Variants in SHANK2 observed in about 807,000 individuals in gnomAD.
The protein encoded by SHANK2 is SH3 and multiple ankyrin repeat domains protein 2.
A neutral mutation model predicts 133.7 loss-of-function variants in SHANK2; 43 were observed. That is an observed-to-expected ratio of 0.32 (90% CI 0.25 to 0.41). The LOEUF is 0.41. SHANK2 is among the 10% of genes least tolerant of loss of function. The probability of loss-of-function intolerance (pLI) is 1.00; values close to 1 mark genes in which losing one functional copy is unlikely to be tolerated. For synonymous variants in SHANK2, 1,017 were observed against 952.8 expected, an observed-to-expected ratio of 1.07 and a Z score of -1.24; for missense variants, 1,994 against 2,235.8, an observed-to-expected ratio of 0.89 and a Z score of 2.18.
In SHANK2 at chr11:71,188,331, G is replaced by A. The variant is rs1953717971; in HGVS notation, c.-13+36366C>T. ...GCCCCTTCCAGCATACGCCTGAGAA[G>A]GTCAGCCCCAAACGCCCTCAGCAGC... On this transcript the variant is annotated intron_variant, in intron 2 of 25. Transcript: ENST00000601538. The surrounding 1 kb of genome is among the most constrained non-coding windows in gnomAD (Gnocchi z 4.6). Among the ~76,000 whole-genome samples the A allele has an allele frequency of 6.6e-6, 1 of 152,082 alleles. No individual in the cohort carries two copies. Among genetic ancestry groups the A allele is most frequent in the Admixed American group, 6.5e-5 (1 of 15,270 alleles).
At chr11:71,184,389 G>A (rs1237265628) in intron 2 of SHANK2, among the ~76,000 whole-genome samples, 7 of 152,266 alleles carry the variant, frequency 4.6e-5, no homozygotes, top group Non-Finnish European at 7.3e-5. Flanking sequence ...AATGGCTCTC[G>A]CGTCCATCAC....
chr11:71,191,638 T>A (rs1953795945), intron 2 of SHANK2, among the ~76,000 whole-genome samples: 1 of 152,094 alleles, frequency 6.6e-6, no homozygotes, highest in South Asian at 2.1e-4. Flanking sequence ...CAGCTCACTA[T>A]AACCTCTGCC....
At chr11:70,699,596 G>A (rs2134493173) in intron 14 of SHANK2, among the ~76,000 whole-genome samples, 1 of 152,278 alleles carries the variant, frequency 6.6e-6, no homozygotes. Flanking sequence ...TCTGTTGTTA[G>A]CCTCCTCCAT....
intron 14 of SHANK2, among the ~76,000 whole-genome samples, chr11:70,787,507 C>T (rs62636402): frequency 1.6e-5 from 1 of 60,702 alleles, no homozygotes; most frequent in Admixed American, 2.3e-4. Flanking sequence ...GCATCACCAC[C>T]ATCATCACCA....
intron 10 of SHANK2, among the ~76,000 whole-genome samples, chr11:70,927,075 G>A (rs149322334): frequency 6.6e-6 from 1 of 152,232 alleles, no homozygotes; most frequent in Non-Finnish European, 1.5e-5. Flanking sequence ...ATACCAGGCA[G>A]GCACACATCA....
chr11:70,623,707 A>G (rs2060864685), intron 17 of SHANK2, among the ~76,000 whole-genome samples: 1 of 152,214 alleles, frequency 6.6e-6, no homozygotes. Flanking sequence ...ACGTAAAACT[A>G]AGAATTAGCT....
intron 3 of SHANK2, among the ~76,000 whole-genome samples, chr11:71,142,517 C>CA (rs1952576268): frequency 6.6e-6 from 1 of 150,606 alleles, no homozygotes; most frequent in African/African-American, 2.5e-5. Flanking sequence ...AACAAACAAA[C>CA]AAACAAAAAA....
At chr11:70,520,954 C>T (rs182393731) in intron 17 of SHANK2, among the ~76,000 whole-genome samples, 2 of 152,208 alleles carry the variant, frequency 1.3e-5, no homozygotes, top group African/African-American at 4.8e-5. Flanking sequence ...ATGCTCTAGG[C>T]TGCTACCTTT....
chr11:70,746,494 G>A (rs886416191), intron 14 of SHANK2, among the ~76,000 whole-genome samples: 20 of 151,592 alleles, frequency 1.3e-4, no homozygotes, highest in Non-Finnish European at 2.4e-4. Context: ...CCTTCAGGGC[G>A]GGGGATGCGG....
intron 6 of SHANK2, among the ~76,000 whole-genome samples, chr11:71,095,936 A>T (rs1194991555): frequency 7.0e-6 from 1 of 142,654 alleles, no homozygotes; most frequent in African/African-American, 2.5e-5. Flanking sequence ...GTGTGTAGAC[A>T]TGCCAACATC....
At chr11:70,496,886 A>C in intron 21 of SHANK2, 1 of 449,088 alleles carries the variant, frequency 2.2e-6, no homozygotes, top group Non-Finnish European at 4.5e-6. Context: ...CCTACCCATC[A>C]TCACAGTCGC....
intron 17 of SHANK2, among the ~76,000 whole-genome samples, chr11:70,527,448 G>T (rs1414051445): frequency 6.6e-6 from 1 of 152,204 alleles, no homozygotes; most frequent in Non-Finnish European, 1.5e-5. Context: ...GGGCTCAGGT[G>T]GGGCCTGATT....
At chr11:71,170,490 G>T (rs1953292771) in intron 2 of SHANK2, among the ~76,000 whole-genome samples, 1 of 152,198 alleles carries the variant, frequency 6.6e-6, no homozygotes. Flanking sequence ...TCATGAAATA[G>T]TCAATTCCCA....
intron 10 of SHANK2, chr11:70,948,190 C>T (rs1333613393): frequency 2.4e-6 from 1 of 425,200 alleles, no homozygotes; most frequent in African/African-American, 2.0e-5. Context: ...AGGAAACTCG[C>T]TTCCGCATTG....
At chr11:70,614,312 G>GT (rs150637798) in intron 17 of SHANK2, among the ~76,000 whole-genome samples, 26,470 of 146,796 alleles carry the variant, frequency 0.18, 2,682 homozygotes, top group South Asian at 0.34. Flanking sequence ...CAGTCTGTGG[G>GT]TTTTGTTTTT....
chr11:71,205,552 C>T (rs12278677), intron 2 of SHANK2, among the ~76,000 whole-genome samples: 3,144 of 152,336 alleles, frequency 0.021, 108 homozygotes, highest in African/African-American at 0.071. Context: ...CAGCCTCCTT[C>T]CCCAGTCCCT....
intron 15 of SHANK2, among the ~76,000 whole-genome samples, chr11:70,689,027 T>C (rs1158729369): frequency 6.6e-6 from 1 of 152,224 alleles, no homozygotes; most frequent in Non-Finnish European, 1.5e-5. Flanking sequence ...TTTTTGGTGT[T>C]TGACCTGAGG....
intron 17 of SHANK2, among the ~76,000 whole-genome samples, chr11:70,635,676 T>C (rs976255649): frequency 6.6e-6 from 1 of 152,014 alleles, no homozygotes; most frequent in Non-Finnish European, 1.5e-5. Flanking sequence ...CTGAAATGTA[T>C]ACTTAAAAAT....
intron 11 of SHANK2, among the ~76,000 whole-genome samples, chr11:70,871,645 C>T (rs1322101542): frequency 6.6e-6 from 1 of 152,120 alleles, no homozygotes; most frequent in Admixed American, 6.5e-5. Context: ...TGACCATATC[C>T]CTGATGGAGA....
Sources: allele counts gnomAD v4.1 joint callset (sites outside exome capture counted in the v4.1 genomes callset), GRCh38; gene constraint gnomAD v4.1.1; non-coding constraint Gnocchi (gnomAD v3.1); transcripts MANE v1.5; gene names NCBI Gene and HGNC (gene_info 2026-07-23, HGNC 2026-07-21).